The following CYP2F1 variants were observed in gnomAD, a reference collection of about 807,000 sequenced individuals.
CYP2F1 encodes cytochrome P450 family 2 subfamily F member 1.
A neutral mutation model predicts 40.4 loss-of-function variants in CYP2F1; 33 were observed. That is an observed-to-expected ratio of 0.82 (90% CI 0.62 to 1.09). The LOEUF is 1.09. Among genes scored for constraint, CYP2F1 ranks in the 50% least tolerant of loss-of-function variants. The probability of loss-of-function intolerance (pLI) is 0.00; values close to 1 mark genes in which losing one functional copy is unlikely to be tolerated. For synonymous variants in CYP2F1, 235 were observed against 277.2 expected (o/e 0.85, Z 1.51); for missense variants, 566 against 655.7 (o/e 0.86, Z 1.49).
intron 3 of CYP2F1, among the ~76,000 whole-genome samples, chr19:41,118,569 A>T (rs1362471721): frequency 4.6e-5 from 7 of 152,210 alleles, no homozygotes; most frequent in Non-Finnish European, 7.4e-5. Context: ...CTGTCCAGGT[A>T]CACCAGATGC....
chr19:41,128,172 TC>T lies in CYP2F1; in HGVS notation c.*93del. The T allele has an allele frequency of 7.6e-7, 1 of 1,312,438 alleles. No individual in the cohort carries two copies. The highest frequency in any genetic ancestry group is 1.4e-5 in the South Asian group (1 of 69,448). The allele number at this position is 1,312,438 out of a possible 1,614,324, so 81.3% of individuals were successfully genotyped here. The stretch of plus-strand genomic sequence containing the variant: ...CTTCTTGGTCCACAGTCTGCCCTCA[TC>T]CCTCTGGCAGTCACGCTGTCTTCCC... On this transcript the variant is annotated 3_prime_UTR_variant, in exon 10 of 10. Transcript: ENST00000331105.
At position 41,115,691 on chromosome 19, in the gene CYP2F1, T is replaced by TGATA. The variant is rs372216849; in HGVS notation, c.-11-471_-11-468dup. ...AGATGATGGATAGACAGATGATAGA[T>TGATA]GATAGATAGATAGATAGATGATAGA... On this transcript the variant is annotated intron_variant, in intron 1 of 9. Transcript: ENST00000331105. Among the ~76,000 whole-genome samples the TGATA allele has an allele frequency of 7.1e-3, 1,080 of 151,524 alleles. 7 individuals are homozygous for TGATA. The highest frequency in any genetic ancestry group is 0.015 in the African/African-American group (614 of 41,268).
intron 3 of CYP2F1, among the ~76,000 whole-genome samples, chr19:41,117,643 C>T (rs937505178): frequency 7.2e-5 from 11 of 152,106 alleles, no homozygotes; most frequent in Non-Finnish European, 1.3e-4. Flanking sequence ...TCCACATCAC[C>T]AGCTTCAAAT....
chr19:41,122,954 AAAGTTC>A lies in CYP2F1; in HGVS notation c.959_964del (p.Val320_Gln321del). On this transcript the variant is annotated inframe_deletion, in exon 7 of 10. Transcript: ENST00000331105. Reference sequence around the variant, plus strand: ...CTTCCTGGCACTCATGAAGTACCCAAAAGTTCAAGGTGAGGCCCACCCACACAGCAG... The same window carrying A: ...CTTCCTGGCACTCATGAAGTACCCAAAAGGTGAGGCCCACCCACACAGCAG... 1 of 1,613,126 alleles carries A rather than the reference AAAGTTC, an allele frequency of 6.2e-7. No homozygotes were observed. Among genetic ancestry groups the A allele is most frequent in the South Asian group, 1.1e-5 (1 of 90,910 alleles).
At position 41,127,094 on chromosome 19, in the gene CYP2F1, G is replaced by A. The variant is rs539594808; in HGVS notation, c.1295-807G>A. Among the ~76,000 whole-genome samples, 6 of 152,276 alleles carry A rather than the reference G, an allele frequency of 3.9e-5. No individual in the cohort carries two copies. The East Asian group carries it at 1.2e-3, about 29-fold the overall frequency. On this transcript the variant is annotated intron_variant, in intron 9 of 9. Transcript: ENST00000331105. ...AATGTGTGGCCCAGATTCCAGCAGG[G>A]TTTGCATCCCATCTGTCACCCCCTA...
intron 3 of CYP2F1, among the ~76,000 whole-genome samples, chr19:41,119,748 T>TATATACACACACAC (rs1337166345): frequency 6.1e-4 from 22 of 36,090 alleles, no homozygotes; most frequent in Non-Finnish European, 1.0e-3. Context: ...TATATATATA[T>TATATACACACACAC]ACACACACAC....
At chr19:41,119,715 CTCTCTCTCTATA>C (rs1271261578) in intron 3 of CYP2F1, among the ~76,000 whole-genome samples, 37 of 40,522 alleles carry the variant, frequency 9.1e-4, no homozygotes, top group East Asian at 3.0e-3. Context: ...CTCTCTCTCT[CTCTCTCTCTATA>C]TATATATATA....
At chr19:41,126,172 T>C (rs936392843) in intron 9 of CYP2F1, among the ~76,000 whole-genome samples, 4 of 151,790 alleles carry the variant, frequency 2.6e-5, no homozygotes, top group African/African-American at 9.7e-5. Context: ...ACACCTGTAA[T>C]CCCAGCACTT....
chr19:41,117,943 A>T (rs2031921892), intron 3 of CYP2F1, among the ~76,000 whole-genome samples: 1 of 151,998 alleles, frequency 6.6e-6, no homozygotes, highest in Admixed American at 6.6e-5. Context: ...TCCGCCTCCC[A>T]GGTTGATGCC....
Position 41,122,856 on chromosome 19 carries a change from A to G in CYP2F1, c.857A>G (p.Asp286Gly), listed in dbSNP as rs149278083. The G allele has an allele frequency of 1.0e-4, 157 of 1,560,404 alleles. No homozygotes were observed. In the African/African-American group the frequency reaches 2.0e-3, roughly 20 times the overall value. ...KEDPLSHFHM[D>G]TLLMTTHNLL... ...GACCCACTGAGCCACTTCCACATGG[A>G]TACCCTGCTGATGACCACACATAAC... The change falls in exon 7 of 10, where the codon GAT becomes GGT. Residue 286 changes from aspartate (D) to glycine (G), a missense_variant. Physicochemically the swap from Asp to Gly is moderately conservative, Grantham distance 94. Coordinates refer to ENST00000331105, the MANE Select transcript of CYP2F1 (RefSeq NM_000774.5).
intron 3 of CYP2F1, among the ~76,000 whole-genome samples, chr19:41,117,577 C>T (rs2031895538): frequency 6.6e-6 from 1 of 152,132 alleles, no homozygotes; most frequent in South Asian, 2.1e-4. Context: ...ATCTACCCAA[C>T]CCCAAGTTCA....
intron 9 of CYP2F1, 70 bp downstream of exon 9, chr19:41,125,704 A>G (rs754612024): frequency 1.2e-6 from 2 of 1,613,994 alleles, no homozygotes; most frequent in Non-Finnish European, 8.5e-7. Context: ...TCCACTTGCC[A>G]AATCCTCTCA....
chr19:41,117,205 AC>A (rs1421839367), intron 3 of CYP2F1, among the ~76,000 whole-genome samples: 3 of 151,834 alleles, frequency 2.0e-5, no homozygotes, highest in Non-Finnish European at 4.4e-5. Context: ...ATCTCGGCCC[AC>A]TGCAACCTCT....
At chr19:41,120,529 C>A (rs891655972) in intron 4 of CYP2F1, 33 bp downstream of exon 4, 6 of 1,586,310 alleles carry the variant, frequency 3.8e-6, no homozygotes, top group Admixed American at 1.8e-5. Context: ...CTGGATGGCA[C>A]GATCTTTTTT....
intron 1 of CYP2F1, among the ~76,000 whole-genome samples, chr19:41,114,879 C>T (rs1599665966): frequency 6.8e-6 from 1 of 147,130 alleles, no homozygotes; most frequent in Non-Finnish European, 1.5e-5. Context: ...AAGCGATTCT[C>T]CTGCCTCAGC....
rs370865507 is a variant in CYP2F1, at chr19:41,122,047, G to A, written c.736G>A (p.Ala246Thr). 65 of 1,611,794 alleles carry A rather than the reference G, an allele frequency of 4.0e-5. No homozygotes were observed. The highest frequency in any genetic ancestry group is 1.7e-4 in the Middle Eastern group (1 of 6,052). ...CTTCAAGTGCCTGAGAGACCTCATC[G>A]CCCACAGCGTCCACGACCACCAGGC... ...QNFKCLRDLIAHSVHDHQASL... is the reference protein window; with the variant it reads ...QNFKCLRDLITHSVHDHQASL... Residue 246 changes from alanine to threonine, a missense_variant, in exon 6 of 10, where the codon GCC becomes ACC. This residue lies in a region of CYP2F1 where 62 missense variants were observed against 105.6 expected (regional missense o/e 0.59). Transcript: ENST00000331105.
At chr19:41,115,487 A>G (rs907597882) in intron 1 of CYP2F1, among the ~76,000 whole-genome samples, 2 of 151,750 alleles carry the variant, frequency 1.3e-5, no homozygotes, top group Admixed American at 6.6e-5. Flanking sequence ...GTGTGTCTTG[A>G]TCTCTCTTTA....
chr19:41,124,252 C>A (rs1404694575), intron 7 of CYP2F1, among the ~76,000 whole-genome samples: 6 of 102,072 alleles, frequency 5.9e-5, no homozygotes, highest in African/African-American at 1.2e-4. Context: ...TCTTCCCCCC[C>A]CCCTTTTTTT....
intron 7 of CYP2F1, chr19:41,123,210 T>G (rs2032337101): frequency 1.7e-6 from 1 of 601,364 alleles, no homozygotes. Flanking sequence ...TTTGTTTTGT[T>G]TTTTGGAGAC....
Sources: allele counts gnomAD v4.1 joint callset (sites outside exome capture counted in the v4.1 genomes callset), GRCh38; gene constraint gnomAD v4.1.1; regional missense constraint gnomAD v4.1.1; transcripts MANE v1.5; gene names NCBI Gene and HGNC (gene_info 2026-07-23, HGNC 2026-07-21).